The following GALNT13 variants were observed in gnomAD, a reference collection of about 807,000 sequenced individuals.
GALNT13 encodes UDP-GalNAc:polypeptide N-acetylgalactosaminyltransferase 13.
Under a neutral mutation model 64.2 loss-of-function variants are expected in GALNT13, and 28 were observed. The observed-to-expected ratio is 0.44, with a 90% confidence interval of 0.32 to 0.60. The LOEUF (loss-of-function observed/expected upper bound fraction) is 0.60. Among genes scored for constraint, GALNT13 ranks in the 20% least tolerant of loss-of-function variants. The pLI, the probability that GALNT13 is intolerant of heterozygous loss-of-function variation, is 0.05. For synonymous variants in GALNT13, 214 were observed against 224.6 expected (o/e 0.95, Z 0.42); for missense variants, 577 against 669.8 (o/e 0.86, Z 1.53).
At chr2:153,311,115 C>A in the GALNT13 span, among the ~76,000 whole-genome samples, 1 of 152,048 alleles carries the variant, frequency 6.6e-6, no homozygotes, top group African/African-American at 2.4e-5. Flanking sequence ...TGACAGAATA[C>A]AAATTTTAAA....
At chr2:154,061,698 T>C (rs1447668741) in intron 3 of GALNT13, among the ~76,000 whole-genome samples, 1 of 152,118 alleles carries the variant, frequency 6.6e-6, no homozygotes, top group African/African-American at 2.4e-5. Flanking sequence ...TAATTCAAAG[T>C]GTTTTTAATG....
chr2:154,207,117 CACTA>C (rs1198304764), intron 4 of GALNT13, among the ~76,000 whole-genome samples: 5 of 152,144 alleles, frequency 3.3e-5, no homozygotes, highest in Non-Finnish European at 5.9e-5. Context: ...CTTTGTTAAT[CACTA>C]ACTATGACCC....
chr2:154,301,261 G>A (rs1052233849), intron 8 of GALNT13, 148 bp from the exon 9 acceptor site: 7 of 605,406 alleles, frequency 1.2e-5, no homozygotes, highest in Non-Finnish European at 2.0e-5. Flanking sequence ...CGCATCCTTT[G>A]CCAAAAGTAA....
At chr2:154,449,198 C>T (rs1269231836) in intron 12 of GALNT13, among the ~76,000 whole-genome samples, 1 of 151,762 alleles carries the variant, frequency 6.6e-6, no homozygotes, top group Non-Finnish European at 1.5e-5. Flanking sequence ...CTTGAAATCT[C>T]CTTTGTATCT....
the GALNT13 span, among the ~76,000 whole-genome samples, chr2:153,687,667 A>G: frequency 1.3e-5 from 2 of 151,970 alleles, no homozygotes; most frequent in South Asian, 2.1e-4. Flanking sequence ...TAATAAATCT[A>G]TGATCCTGAG....
chr2:153,868,737 T>C (rs1685804812), upstream of GALNT13, among the ~76,000 whole-genome samples: 1 of 152,224 alleles, frequency 6.6e-6, no homozygotes, highest in South Asian at 2.1e-4. Context: ...GGCCTTATAT[T>C]GGCCAATAGA....
the GALNT13 span, among the ~76,000 whole-genome samples, chr2:153,345,719 G>GTCCGTCCTTCCTTCCTTCCTTCCTTCCT: frequency 1.4e-4 from 11 of 80,020 alleles, no homozygotes; most frequent in Non-Finnish European, 2.5e-4. Flanking sequence ...CTCTCTTTCT[G>GTCCGTCCTTCCTTCCTTCCTTCCTTCCT]TCCTTCCTTC....
At chr2:153,451,701 A>G in the GALNT13 span, among the ~76,000 whole-genome samples, 1 of 152,194 alleles carries the variant, frequency 6.6e-6, no homozygotes, top group Non-Finnish European at 1.5e-5. Context: ...TTGGGAGGAA[A>G]TTTCATTTTC....
chr2:153,402,231 T>C, the GALNT13 span, among the ~76,000 whole-genome samples: 2 of 151,464 alleles, frequency 1.3e-5, no homozygotes, highest in African/African-American at 4.9e-5. Context: ...AAAATTCTTT[T>C]CTTTAAGAGT....
chr2:153,873,366 C>A (rs951242232), intron 1 of GALNT13, among the ~76,000 whole-genome samples: 1 of 152,264 alleles, frequency 6.6e-6, no homozygotes, highest in Admixed American at 6.5e-5. Flanking sequence ...GGCTGCTACT[C>A]TGGACAGCGA....
At chr2:154,277,092 A>T (rs910727552) in intron 8 of GALNT13, among the ~76,000 whole-genome samples, 2 of 152,162 alleles carry the variant, frequency 1.3e-5, no homozygotes, top group Non-Finnish European at 2.9e-5. Context: ...AGAACATCTG[A>T]TTTCCTGCCT....
chr2:154,063,018 T>C (rs529810498), intron 3 of GALNT13, among the ~76,000 whole-genome samples: 2 of 152,268 alleles, frequency 1.3e-5, no homozygotes, highest in East Asian at 3.9e-4. Flanking sequence ...TTCTTTTTTG[T>C]TATTGTTGCT....
chr2:154,401,734 G>T (rs914737461), intron 10 of GALNT13, among the ~76,000 whole-genome samples: 1 of 152,090 alleles, frequency 6.6e-6, no homozygotes, highest in Non-Finnish European at 1.5e-5. Flanking sequence ...GATTTTGGTT[G>T]TCACTGTTTT....
the GALNT13 span, among the ~76,000 whole-genome samples, chr2:153,678,885 T>G: frequency 6.6e-6 from 1 of 151,968 alleles, no homozygotes; most frequent in Non-Finnish European, 1.5e-5. Context: ...CAGAATTCCC[T>G]CCCTATATGC....
intron 3 of GALNT13, among the ~76,000 whole-genome samples, chr2:153,970,124 T>C (rs756824107): frequency 3.3e-5 from 5 of 152,200 alleles, no homozygotes; most frequent in South Asian, 2.1e-4. Context: ...AGAATCATCT[T>C]GACAAAATTT....
At chr2:153,358,537 C>T in the GALNT13 span, among the ~76,000 whole-genome samples, 1 of 152,088 alleles carries the variant, frequency 6.6e-6, no homozygotes, top group Non-Finnish European at 1.5e-5. Context: ...TATATTTTCC[C>T]CTTTTATTCT....
intron 2 of GALNT13, among the ~76,000 whole-genome samples, 161 bp downstream of exon 2, chr2:153,901,168 T>C (rs1384040920): frequency 6.6e-6 from 1 of 152,172 alleles, no homozygotes; most frequent in Non-Finnish European, 1.5e-5. Flanking sequence ...GGGTCTTTAT[T>C]CTGTTCCATT....
At chr2:154,142,465 C>G (rs2105585706) in intron 4 of GALNT13, among the ~76,000 whole-genome samples, 1 of 141,494 alleles carries the variant, frequency 7.1e-6, no homozygotes, top group Admixed American at 7.7e-5. Context: ...AGGAGAATTG[C>G]TTGAACCTGA....
At chr2:153,713,889 A>G in the GALNT13 span, among the ~76,000 whole-genome samples, 1 of 152,144 alleles carries the variant, frequency 6.6e-6, no homozygotes, top group Non-Finnish European at 1.5e-5. Context: ...CAAACTCCCC[A>G]TCCTCCCAAA....
Sources: gnomAD v4.1 joint callset for allele counts (sites outside exome capture counted in the v4.1 genomes callset) on GRCh38, gnomAD v4.1.1 for gene constraint, MANE v1.5 for transcripts, NCBI Gene and HGNC (gene_info 2026-07-23, HGNC 2026-07-21) for gene names.